NFIB: variants seen among roughly 807,000 people sequenced by gnomAD.
NFIB encodes the protein nuclear factor I B, also known as nuclear factor 1 B-type.
A neutral mutation model predicts 61.5 loss-of-function variants in NFIB; 11 were observed. The ratio of observed to expected loss-of-function variants is 0.18; its 90% CI spans 0.11 to 0.30. The LOEUF is 0.30. NFIB is among the 10% of genes least tolerant of loss of function. The probability of loss-of-function intolerance (pLI) is 1.00; values close to 1 mark genes in which losing one functional copy is unlikely to be tolerated. For synonymous variants in NFIB, 260 were observed against 216.5 expected (o/e 1.20, Z -1.76); for missense variants, 471 against 608.9 (o/e 0.77, Z 2.38).
chr9:14,366,476 T>A (rs1486907361), intron 1 of NFIB, among the ~76,000 whole-genome samples: 2 of 152,094 alleles, frequency 1.3e-5, no homozygotes, highest in Non-Finnish European at 2.9e-5. Flanking sequence ...CCACAGATTT[T>A]AATTTTATTC....
chr9:14,240,612 T>C (rs2054253113), intron 2 of NFIB, among the ~76,000 whole-genome samples: 2 of 152,194 alleles, frequency 1.3e-5, no homozygotes, highest in African/African-American at 4.8e-5. Context: ...CGATGTACTG[T>C]ATGCAAAAGT....
chr9:14,364,981 G>C (rs957744626), intron 1 of NFIB, among the ~76,000 whole-genome samples: 24 of 152,036 alleles, frequency 1.6e-4, no homozygotes, highest in Non-Finnish European at 3.2e-4. Context: ...CCATATAGTG[G>C]GCTGTGTATT....
intron 1 of NFIB, among the ~76,000 whole-genome samples, chr9:14,374,441 T>G (rs1319842818): frequency 6.6e-6 from 1 of 152,196 alleles, no homozygotes; most frequent in Non-Finnish European, 1.5e-5. Flanking sequence ...AGTCATAGTA[T>G]CTCAGTAAAT....
chr9:14,252,781 C>G (rs2055786672), intron 2 of NFIB, among the ~76,000 whole-genome samples: 1 of 146,044 alleles, frequency 6.8e-6, no homozygotes, highest in Non-Finnish European at 1.5e-5. Flanking sequence ...TCCTGCCATA[C>G]AACTTTGTGG....
At chr9:14,131,045 G>A (rs1341289529) in intron 6 of NFIB, among the ~76,000 whole-genome samples, 2 of 145,548 alleles carry the variant, frequency 1.4e-5, no homozygotes, top group African/African-American at 5.7e-5. Flanking sequence ...GCATTAAATA[G>A]TTGCAATCAT....
the NFIB span, among the ~76,000 whole-genome samples, chr9:14,448,440 G>A: frequency 6.6e-6 from 1 of 152,130 alleles, no homozygotes; most frequent in African/African-American, 2.4e-5. Context: ...TATATTCTAA[G>A]AGTTGAAAGG....
At chr9:14,433,793 G>A in the NFIB span, among the ~76,000 whole-genome samples, 1 of 152,148 alleles carries the variant, frequency 6.6e-6, no homozygotes, top group South Asian at 2.1e-4. Context: ...AAGTCACTCT[G>A]CATATGTCAT....
rs1455462851 is a variant in NFIB, at chr9:14,385,588, GA to G, written c.108+12935del. Among the ~76,000 whole-genome samples the G allele has an allele frequency of 4.6e-5, 7 of 152,080 alleles. No individual in the cohort carries two copies. The East Asian group carries it at 1.2e-3, about 25-fold the overall frequency. The stretch of plus-strand genomic sequence containing the variant: ...CAGACAATTCTTACTTAGAAGGAAG[GA>G]AAAAAACCCACCAATATTCCTAGCA... On this transcript the variant is annotated intron_variant, in intron 1 of 8. Coordinates refer to the NFIB transcript ENST00000380934.
At chr9:14,112,692 A>G (rs370878900) in intron 10 of NFIB, among the ~76,000 whole-genome samples, 4 of 152,308 alleles carry the variant, frequency 2.6e-5, no homozygotes, top group South Asian at 4.1e-4. Context: ...TTTGAAAGCT[A>G]TAGTCTGTAA....
chr9:14,216,544 C>G (rs200580766), intron 2 of NFIB, among the ~76,000 whole-genome samples: 3,704 of 12,810 alleles, frequency 0.29, 324 homozygotes, highest in East Asian at 0.47. Flanking sequence ...CTCTCTCTCC[C>G]TCTGTGTGTG....
At chr9:14,429,946 A>G in the NFIB span, among the ~76,000 whole-genome samples, 1 of 152,264 alleles carries the variant, frequency 6.6e-6, no homozygotes, top group African/African-American at 2.4e-5. Context: ...TCATTGTATG[A>G]CTAATTTACT....
chr9:14,186,570 CA>C (rs1224054837), intron 2 of NFIB, among the ~76,000 whole-genome samples: 3 of 151,946 alleles, frequency 2.0e-5, no homozygotes, highest in Non-Finnish European at 4.4e-5. Flanking sequence ...AAAGGTAAAA[CA>C]AAAACATCTA....
intron 1 of NFIB, among the ~76,000 whole-genome samples, chr9:14,394,019 T>G (rs1425916819): frequency 2.0e-5 from 3 of 152,204 alleles, no homozygotes; most frequent in Non-Finnish European, 2.9e-5. Context: ...TATCTGTCCA[T>G]CCACCCACTC....
At chr9:14,103,353 A>G (rs549441330) in intron 10 of NFIB, among the ~76,000 whole-genome samples, 33 of 148,622 alleles carry the variant, frequency 2.2e-4, no homozygotes, top group South Asian at 1.1e-3. Flanking sequence ...GGGGGGGGGG[A>G]AACACAGTAG....
At chr9:14,112,259 G>A (rs2037487704) in intron 10 of NFIB, among the ~76,000 whole-genome samples, 4 of 152,132 alleles carry the variant, frequency 2.6e-5, no homozygotes, top group Admixed American at 2.6e-4. Flanking sequence ...CTCTTATCCT[G>A]TAACTAGAAT....
intron 2 of NFIB, among the ~76,000 whole-genome samples, chr9:14,187,242 GTTGT>G (rs111386873): frequency 4.0e-4 from 56 of 140,320 alleles, no homozygotes; most frequent in Admixed American, 8.2e-4. Context: ...GATCTTGTTT[GTTGT>G]TTGTTTGTTT....
At chr9:14,520,044 G>C in the NFIB span, among the ~76,000 whole-genome samples, 1 of 150,578 alleles carries the variant, frequency 6.6e-6, no homozygotes. Context: ...ATATTCTAAA[G>C]AAACTATTTA....
intron 1 of NFIB, among the ~76,000 whole-genome samples, chr9:14,377,609 T>C (rs2061434709): frequency 6.6e-6 from 1 of 152,180 alleles, no homozygotes; most frequent in Non-Finnish European, 1.5e-5. Context: ...GAGAATACTG[T>C]ATTTTTGAAA....
the NFIB span, among the ~76,000 whole-genome samples, chr9:14,497,257 A>C: frequency 3.3e-5 from 5 of 152,184 alleles, no homozygotes; most frequent in Non-Finnish European, 7.4e-5. Context: ...AATGTCACCC[A>C]ATTACATTTT....
Sources: allele counts gnomAD v4.1 joint callset (sites outside exome capture counted in the v4.1 genomes callset), GRCh38; gene constraint gnomAD v4.1.1; transcripts MANE v1.5; gene names NCBI Gene and HGNC (gene_info 2026-07-23, HGNC 2026-07-21).